PRKCB: variants seen among roughly 807,000 people sequenced by gnomAD.
PRKCB encodes the protein protein kinase C beta.
In PRKCB, 13 loss-of-function variants were observed where a neutral mutation model predicts 81.5. That is an observed-to-expected ratio of 0.16 (90% confidence interval 0.10 to 0.25). The LOEUF is 0.25. Among genes scored for constraint, PRKCB ranks in the 10% least tolerant of loss-of-function variants. The pLI is 1.00. For synonymous variants in PRKCB, 335 were observed against 321.4 expected, an observed-to-expected ratio of 1.04 and a Z score of -0.45; for missense variants, 509 against 875.7, an observed-to-expected ratio of 0.58 and a Z score of 5.29.
chr16:23,966,913 A>G (rs1392158381), intron 2 of PRKCB, among the ~76,000 whole-genome samples: 1 of 152,172 alleles, frequency 6.6e-6, no homozygotes, highest in African/African-American at 2.4e-5. Flanking sequence ...ATGTGGGCCC[A>G]CTGCTGACAA....
intron 9 of PRKCB, chr16:24,151,986 G>T: frequency 2.3e-6 from 1 of 434,178 alleles, no homozygotes; most frequent in South Asian, 1.6e-5. Context: ...CACTGAAGGT[G>T]TCTAGGGCCC....
intron 2 of PRKCB, among the ~76,000 whole-genome samples, chr16:23,899,927 T>A (rs28704688): frequency 4.3e-4 from 52 of 120,548 alleles, no homozygotes; most frequent in Admixed American, 6.5e-4. Context: ...CCTCAAGTGA[T>A]CCTCCTGTCT....
intron 2 of PRKCB, among the ~76,000 whole-genome samples, chr16:23,970,516 G>A (rs970273823): frequency 5.9e-5 from 9 of 152,214 alleles, no homozygotes; most frequent in African/African-American, 1.9e-4. Context: ...AAGAGTGAAG[G>A]CACCAAACCC....
intron 2 of PRKCB, among the ~76,000 whole-genome samples, chr16:23,948,895 TC>T (rs1964238452): frequency 6.6e-6 from 1 of 152,124 alleles, no homozygotes; most frequent in Non-Finnish European, 1.5e-5. Flanking sequence ...GCATCTCCTG[TC>T]AGAGATTTGT....
Position 24,123,836 on chromosome 16 carries a change from G to A in PRKCB, c.920G>A (p.Arg307Lys). 6.2e-7 allele frequency: 1 copy of A among 1,613,298 alleles called. No homozygotes were observed. Among genetic ancestry groups the A allele is most frequent in the South Asian group, 1.1e-5 (1 of 90,944 alleles). The part of the protein sequence containing the change: ...ANEELRQKFE[R>K]AKISQGTKVP... ...TTTCTGTGTGCTTCCTTTTTGCAGA[G>A]GGCCAAGATCAGTCAGGGAACCAAG... The change falls in exon 9 of 17, where the codon AGG becomes AAG. Residue 307 changes from arginine (R) to lysine (K), a missense_variant and splice_region_variant. Arg to Lys is a conservative substitution (Grantham distance 26). Around this residue, in one of 6 missense-constraint regions of PRKCB, gnomAD observed 80 missense variants for 89.4 expected, o/e 0.90. Transcript: ENST00000643927.
intron 9 of PRKCB, among the ~76,000 whole-genome samples, chr16:24,145,239 G>A (rs1966970907): frequency 6.6e-6 from 1 of 152,272 alleles, no homozygotes; most frequent in African/African-American, 2.4e-5. Context: ...GGAAGGTGGA[G>A]TGACATGAAC....
chr16:24,039,185 C>T (rs1267579739), intron 5 of PRKCB, among the ~76,000 whole-genome samples: 1 of 152,114 alleles, frequency 6.6e-6, no homozygotes, highest in Non-Finnish European at 1.5e-5. Flanking sequence ...CTTGGACTTC[C>T]CAGCCCCCAG....
chr16:24,109,634 G>A (rs1966644672), intron 7 of PRKCB, among the ~76,000 whole-genome samples: 4 of 130,598 alleles, frequency 3.1e-5, no homozygotes, highest in Non-Finnish European at 4.6e-5. Flanking sequence ...TGGGCAGCCA[G>A]GCAGAGGGGC....
At position 23,950,132 on chromosome 16, in the gene PRKCB, A is replaced by AGTTTTTTTTT. The variant is rs55986931; in HGVS notation, c.206-38376_206-38375insGTTTTTTTTT. Among the ~76,000 whole-genome samples, 43 of 97,774 alleles carry AGTTTTTTTTT rather than the reference A, an allele frequency of 4.4e-4. 12 individuals carry two copies. The highest frequency in any genetic ancestry group is 5.1e-4 in the Non-Finnish European group (26 of 51,194). 64.1% of individuals were successfully genotyped at this position (97,774 alleles called of 152,430 possible). ...AGCAGCATTGGCCCCTATGATTTGAATTTTTTTTTTTTTTTTTTTTTTTTT... is the reference window on the plus strand; with the variant it reads ...AGCAGCATTGGCCCCTATGATTTGAAGTTTTTTTTTTTTTTTTTTTTTTTTTTTTTTTTTT... On this transcript the variant is annotated intron_variant, in intron 2 of 16. Coordinates refer to ENST00000643927, the MANE Select transcript of PRKCB (RefSeq NM_002738.7).
At chr16:24,122,103 G>A (rs1412472529) in intron 8 of PRKCB, among the ~76,000 whole-genome samples, 1 of 152,220 alleles carries the variant, frequency 6.6e-6, no homozygotes, top group African/African-American at 2.4e-5. Flanking sequence ...AATCAAGTAA[G>A]TAAGGCGGAT....
chr16:24,045,682 A>G (rs1965754788), intron 5 of PRKCB, among the ~76,000 whole-genome samples: 1 of 152,178 alleles, frequency 6.6e-6, no homozygotes, highest in Non-Finnish European at 1.5e-5. Context: ...GCTGCATCCC[A>G]TCGGCATTAC....
At chr16:24,111,876 G>C (rs528760243) in intron 7 of PRKCB, among the ~76,000 whole-genome samples, 77 of 152,270 alleles carry the variant, frequency 5.1e-4, no homozygotes, top group African/African-American at 1.7e-3. Flanking sequence ...TGAATGCCAA[G>C]TGCTGTGCTT....
At chr16:24,035,662 C>T (rs547687432) in intron 5 of PRKCB, 115 bp downstream of exon 5, 139 of 349,008 alleles carry the variant, frequency 4.0e-4, no homozygotes, top group South Asian at 1.4e-3. Context: ...AGTCCAGGGA[C>T]GGGGAGGGGG....
chr16:23,951,817 A>C (rs1315091592), intron 2 of PRKCB, among the ~76,000 whole-genome samples: 1 of 151,772 alleles, frequency 6.6e-6, no homozygotes, highest in Non-Finnish European at 1.5e-5. Flanking sequence ...GGTCTGTCCT[A>C]TGTCTTTTCT....
chr16:23,900,170 C>G (rs1440436522), intron 2 of PRKCB, among the ~76,000 whole-genome samples: 1 of 152,100 alleles, frequency 6.6e-6, no homozygotes, highest in South Asian at 2.1e-4. Flanking sequence ...ACAAGACAGC[C>G]TCACAACAAA....
chr16:23,958,122 G>A (rs1964374510), intron 2 of PRKCB, among the ~76,000 whole-genome samples: 1 of 152,146 alleles, frequency 6.6e-6, no homozygotes, highest in African/African-American at 2.4e-5. Context: ...CTCCTGAGTA[G>A]CTGGGATTAC....
chr16:24,136,101 T>G (rs895147167), intron 9 of PRKCB, among the ~76,000 whole-genome samples: 1 of 151,656 alleles, frequency 6.6e-6, no homozygotes, highest in Admixed American at 6.6e-5. Context: ...AGCGTGTTTT[T>G]TTTTTTTTTT....
At chr16:24,205,414 C>T (rs1968031139) in intron 16 of PRKCB, among the ~76,000 whole-genome samples, 2 of 151,586 alleles carry the variant, frequency 1.3e-5, no homozygotes, top group Non-Finnish European at 2.9e-5. Flanking sequence ...CTGGGCCTCC[C>T]AAAGTGCTGG....
chr16:24,185,411 G>T, intron 14 of PRKCB, 49 bp from the exon 15 acceptor site: 1 of 1,540,326 alleles, frequency 6.5e-7, no homozygotes, highest in South Asian at 1.1e-5. Flanking sequence ...GAGCTAGGGG[G>T]AGGGTTCAAG....
Sources: gnomAD v4.1 joint callset for allele counts (sites outside exome capture counted in the v4.1 genomes callset) on GRCh38, gnomAD v4.1.1 for gene constraint, gnomAD v4.1.1 regional missense constraint, MANE v1.5 for transcripts, NCBI Gene and HGNC (gene_info 2026-07-23, HGNC 2026-07-21) for gene names.